The following KCNJ12 variants were observed in gnomAD, a reference collection of about 807,000 sequenced individuals.
KCNJ12 encodes the protein ATP-sensitive inward rectifier potassium channel 12.
In KCNJ12, 2 loss-of-function variants were observed where a neutral mutation model predicts 22.3. The observed-to-expected ratio is 0.09, with a 90% CI of 0.04 to 0.28. The LOEUF (loss-of-function observed/expected upper bound fraction) is 0.28. Among genes scored for constraint, KCNJ12 ranks in the 10% least tolerant of loss-of-function variants. The pLI is 1.00. For synonymous variants in KCNJ12, 117 were observed against 261.4 expected (o/e 0.45, Z 5.33); for missense variants, 155 against 633.3 (o/e 0.24, Z 8.11).
At chr17:21,380,767 C>G (rs1555557825) in intron 1 of KCNJ12, among the ~76,000 whole-genome samples, 1 of 152,074 alleles carries the variant, frequency 6.6e-6, no homozygotes, top group Non-Finnish European at 1.5e-5. Context: ...CAGGGCAGGG[C>G]AGCGAGTTGC....
intron 2 of KCNJ12, among the ~76,000 whole-genome samples, chr17:21,410,199 C>T (rs1906239817): frequency 2.6e-5 from 4 of 152,214 alleles, no homozygotes; most frequent in South Asian, 2.1e-4. Context: ...GGTCCTATAC[C>T]CTGGGCAGGG....
intron 2 of KCNJ12, among the ~76,000 whole-genome samples, chr17:21,411,027 T>C (rs1906309573): frequency 1.3e-5 from 2 of 152,426 alleles, no homozygotes; most frequent in East Asian, 3.8e-4. Context: ...CGCCTCCCCC[T>C]CCGAGTCCCT....
chr17:21,381,292 CA>C (rs1904859304), intron 1 of KCNJ12, among the ~76,000 whole-genome samples: 1 of 152,138 alleles, frequency 6.6e-6, no homozygotes, highest in Non-Finnish European at 1.5e-5. Context: ...GGCCAGGGAA[CA>C]AACAATAAAG....
chr17:21,411,512 C>T lies in KCNJ12; in HGVS notation c.-57+2872C>T, dbSNP rs575106318. 2.6e-5 allele frequency among the ~76,000 whole-genome samples: 4 copies of T among 152,430 alleles called. No homozygotes were observed. The East Asian group carries it at 7.7e-4, about 29-fold the overall frequency. Reference sequence around the variant, plus strand: ...CCCAGCGCCCCTCTCCCATTCCCCTCCCGGCGACCCTGGGACCCTGGCAGG... The same window carrying T: ...CCCAGCGCCCCTCTCCCATTCCCCTTCCGGCGACCCTGGGACCCTGGCAGG... On this transcript the variant is annotated intron_variant, in intron 2 of 2. Coordinates refer to ENST00000583088, the MANE Select transcript of KCNJ12 (RefSeq NM_021012.5).
intron 1 of KCNJ12, among the ~76,000 whole-genome samples, chr17:21,404,982 G>A (rs370593277): frequency 6.6e-6 from 1 of 152,300 alleles, no homozygotes; most frequent in African/African-American, 2.4e-5. Flanking sequence ...GCCACGGAAT[G>A]TGAGGGGTCA....
chr17:21,409,157 C>T (rs1906165645), intron 2 of KCNJ12, among the ~76,000 whole-genome samples: 1 of 152,308 alleles, frequency 6.6e-6, no homozygotes, highest in African/African-American at 2.4e-5. Flanking sequence ...TGGGCAAGAT[C>T]AACTCTCACA....
At chr17:21,384,690 G>A (rs1905012154) in intron 1 of KCNJ12, among the ~76,000 whole-genome samples, 3 of 151,292 alleles carry the variant, frequency 2.0e-5, no homozygotes, top group African/African-American at 7.3e-5. Flanking sequence ...AGGATCACTT[G>A]TTCCCTCACT....
chr17:21,380,130 C>T (rs1904816051), intron 1 of KCNJ12, among the ~76,000 whole-genome samples: 1 of 152,180 alleles, frequency 6.6e-6, no homozygotes, highest in South Asian at 2.1e-4. Flanking sequence ...CCAGGCAGGT[C>T]CCACACAGGG....
At chr17:21,396,956 C>G (rs551934917) in intron 1 of KCNJ12, among the ~76,000 whole-genome samples, 51 of 152,336 alleles carry the variant, frequency 3.3e-4, no homozygotes, top group African/African-American at 1.1e-3. Context: ...TTGGAGCACA[C>G]TGTCCATCAA....
intron 2 of KCNJ12, among the ~76,000 whole-genome samples, chr17:21,409,567 G>T (rs1906199442): frequency 6.6e-6 from 1 of 152,310 alleles, no homozygotes; most frequent in South Asian, 2.1e-4. Context: ...GGGAAGCAGT[G>T]CCCCTCCCAG....
intron 2 of KCNJ12, among the ~76,000 whole-genome samples, chr17:21,412,714 C>T (rs1322930496): frequency 9.8e-4 from 149 of 152,214 alleles, no homozygotes; most frequent in Non-Finnish European, 1.5e-3. Flanking sequence ...AGCTCCTCAG[C>T]GTCATGGTGA....
chr17:21,395,313 A>AAAAAAAAAAAAAAAAAAAAAG (rs1567699391), intron 1 of KCNJ12, among the ~76,000 whole-genome samples: 1 of 144,970 alleles, frequency 6.9e-6, no homozygotes, highest in African/African-American at 2.7e-5. Context: ...AAAAAAAAAA[A>AAAAAAAAAAAAAAAAAAAAAG]ACGGCGCACA....
At chr17:21,400,847 A>G (rs1160901827) in intron 1 of KCNJ12, among the ~76,000 whole-genome samples, 2 of 152,308 alleles carry the variant, frequency 1.3e-5, no homozygotes, top group South Asian at 2.1e-4. Flanking sequence ...GTGATCTAGT[A>G]ATTAGCATGC....
At position 21,418,371 on chromosome 17, in the gene KCNJ12, G is replaced by C. The variant is rs1279280168; in HGVS notation, c.*1727G>C. The C allele has an allele frequency of 6.0e-6, 1 of 166,882 alleles. No homozygotes were observed. Among genetic ancestry groups the C allele is most frequent in the East Asian group, 1.9e-4 (1 of 5,188 alleles). 10.3% of individuals were successfully genotyped at this position (166,882 alleles called of 1,614,324 possible). ...ACAGCTCAGAGCCAGAAGGCACCGA[G>C]GACTCTGGCCCAAGTGGGGAAGCTG... On this transcript the variant is annotated 3_prime_UTR_variant, in exon 3 of 3. Transcript: ENST00000583088.
At chr17:21,400,391 C>T (rs1211831432) in intron 1 of KCNJ12, among the ~76,000 whole-genome samples, 7 of 152,302 alleles carry the variant, frequency 4.6e-5, no homozygotes, top group African/African-American at 9.6e-5. Context: ...TCCCTCCTCC[C>T]GGGTGGTCAC....
Position 21,415,299 on chromosome 17 carries a change from C to T in KCNJ12, c.-44C>T, listed in dbSNP as rs1280484741. Reference sequence around the variant, plus strand: ...GTCTCTGTTGCAGGAGCCGCCCTGCCTGGAGCTAGCCTGGGGGCGAGCCAG... The same window carrying T: ...GTCTCTGTTGCAGGAGCCGCCCTGCTTGGAGCTAGCCTGGGGGCGAGCCAG... On this transcript the variant is annotated 5_prime_UTR_variant, in exon 3 of 3. Coordinates refer to ENST00000583088, the MANE Select transcript of KCNJ12 (RefSeq NM_021012.5). The T allele has an allele frequency of 5.7e-6, 9 of 1,585,254 alleles. No individual in the cohort carries two copies. Among genetic ancestry groups the T allele is most frequent in the African/African-American group, 1.3e-5 (1 of 74,424 alleles).
intron 1 of KCNJ12, among the ~76,000 whole-genome samples, chr17:21,390,509 C>T (rs549540449): frequency 3.6e-4 from 55 of 152,242 alleles, no homozygotes; most frequent in African/African-American, 1.2e-3. Flanking sequence ...CCAAGGGAAG[C>T]GGGGCCGGTG....
At chr17:21,378,833 C>A (rs1254864032) in intron 1 of KCNJ12, among the ~76,000 whole-genome samples, 1 of 152,122 alleles carries the variant, frequency 6.6e-6, no homozygotes, top group Non-Finnish European at 1.5e-5. Flanking sequence ...TGGACACTCC[C>A]CCTGCAGCTA....
At chr17:21,411,036 CTA>C (rs1380964716) in intron 2 of KCNJ12, among the ~76,000 whole-genome samples, 4 of 152,312 alleles carry the variant, frequency 2.6e-5, no homozygotes, top group African/African-American at 9.6e-5. Context: ...CTCCGAGTCC[CTA>C]TGTCTTACCC....
Sources: gnomAD v4.1 joint callset for allele counts (sites outside exome capture counted in the v4.1 genomes callset) on GRCh38, gnomAD v4.1.1 for gene constraint, MANE v1.5 for transcripts, NCBI Gene and HGNC (gene_info 2026-07-23, HGNC 2026-07-21) for gene names.